COLEC10: variants seen among roughly 807,000 people sequenced by gnomAD.
The protein encoded by COLEC10 is collectin-10.
COLEC10 carries 22 observed loss-of-function variants against 28.4 expected under a neutral mutation model. The observed-to-expected ratio is 0.78, with a 90% CI of 0.55 to 1.11. COLEC10 has a LOEUF of 1.11. COLEC10 is among the 50% of genes least tolerant of loss of function. COLEC10 has a pLI of 0.00. For synonymous variants in COLEC10, 125 were observed against 116.1 expected (o/e 1.08, Z -0.49); for missense variants, 361 against 344.1 (o/e 1.05, Z -0.39).
At chr8:118,968,938 A>G in the COLEC10 span, among the ~76,000 whole-genome samples, 4 of 151,902 alleles carry the variant, frequency 2.6e-5, no homozygotes, top group African/African-American at 7.3e-5. Flanking sequence ...TCCCTCAAAG[A>G]TGTCCACAAT....
the COLEC10 span, among the ~76,000 whole-genome samples, chr8:118,975,330 T>G: frequency 2.6e-5 from 4 of 152,056 alleles, no homozygotes; most frequent in Admixed American, 2.0e-4. Context: ...AAGTGCAAAC[T>G]TACACAGCAT....
At chr8:119,082,269 T>C (rs1159098197) in intron 1 of COLEC10, among the ~76,000 whole-genome samples, 2 of 152,138 alleles carry the variant, frequency 1.3e-5, no homozygotes, top group Non-Finnish European at 2.9e-5. Context: ...TTATTGGCCA[T>C]CAGCACAGAC....
upstream of COLEC10, among the ~76,000 whole-genome samples, chr8:118,994,486 C>T (rs1813558045): frequency 6.6e-6 from 1 of 152,134 alleles, no homozygotes; most frequent in Non-Finnish European, 1.5e-5. Context: ...TATGTGTCAG[C>T]CACTAGCTAG....
the COLEC10 span, among the ~76,000 whole-genome samples, chr8:118,973,859 A>G: frequency 6.6e-6 from 1 of 151,970 alleles, no homozygotes; most frequent in African/African-American, 2.4e-5. Flanking sequence ...AACTCACAAT[A>G]GACTCCAAAT....
At chr8:119,062,439 CT>C (rs1178295264), upstream of COLEC10, among the ~76,000 whole-genome samples, 1 of 151,566 alleles carries the variant, frequency 6.6e-6, no homozygotes, top group African/African-American at 2.4e-5. Context: ...AACCATTTGA[CT>C]TTTTTTAAAA....
chr8:119,106,101 T>C lies in COLEC10; in HGVS notation c.744T>C (p.Cys248=). The C allele has an allele frequency of 6.2e-7, 1 of 1,613,816 alleles. No individual in the cohort carries two copies. Among genetic ancestry groups the C allele is most frequent in the South Asian group, 1.1e-5 (1 of 91,072 alleles). Reference sequence around the variant, plus strand: ...GCGACCCCTATGGTCATGAGGACTGTGTGGAGATGCTGAGCTCTGGCAGAT... The same window carrying C: ...GCGACCCCTATGGTCATGAGGACTGCGTGGAGATGCTGAGCTCTGGCAGAT... The part of the protein sequence containing the change: ...EPSDPYGHED[C]VEMLSSGRWN... Residue 248 remains cysteine (C), a synonymous_variant, in exon 6 of 6, where the codon TGT becomes TGC. Coordinates refer to ENST00000332843, the MANE Select transcript of COLEC10 (RefSeq NM_006438.5).
chr8:118,980,257 C>T, the COLEC10 span, among the ~76,000 whole-genome samples: 1 of 148,078 alleles, frequency 6.8e-6, no homozygotes, highest in South Asian at 2.1e-4. Context: ...TGGTTTGCAA[C>T]GGGGCCATCT....
chr8:118,963,166 G>A, the COLEC10 span, among the ~76,000 whole-genome samples: 6 of 152,250 alleles, frequency 3.9e-5, no homozygotes, highest in Middle Eastern at 6.8e-3. Flanking sequence ...CAGTTCAGGA[G>A]TTACCAAATA....
chr8:119,067,484 T>C, intron 1 of COLEC10, 55 bp downstream of exon 1: 1 of 1,496,794 alleles, frequency 6.7e-7, no homozygotes, highest in Non-Finnish European at 9.2e-7. Context: ...TCTTCCCTCA[T>C]CTCTGAACCC....
chr8:119,050,097 A>T (rs1814651374), intron 2 of COLEC10, among the ~76,000 whole-genome samples: 1 of 152,196 alleles, frequency 6.6e-6, no homozygotes, highest in African/African-American at 2.4e-5. Flanking sequence ...ACTTGGCTTT[A>T]TGTGAGAATT....
chr8:118,970,079 T>G, the COLEC10 span, among the ~76,000 whole-genome samples: 1 of 152,094 alleles, frequency 6.6e-6, no homozygotes, highest in Non-Finnish European at 1.5e-5. Flanking sequence ...AGAATCATTT[T>G]GTTATAAATA....
the COLEC10 span, chr8:118,982,726 C>A: frequency 6.5e-6 from 1 of 154,846 alleles, no homozygotes. Flanking sequence ...CAACTGGACC[C>A]AACTTCCTCT....
intron 1 of COLEC10, among the ~76,000 whole-genome samples, chr8:118,999,477 G>C (rs933470763): frequency 1.3e-5 from 2 of 151,938 alleles, no homozygotes; most frequent in African/African-American, 4.8e-5. Flanking sequence ...TGTAATCCCA[G>C]CTACTCAGGA....
chr8:118,954,012 A>C, the COLEC10 span, among the ~76,000 whole-genome samples: 1 of 152,230 alleles, frequency 6.6e-6, no homozygotes, highest in Non-Finnish European at 1.5e-5. Context: ...ATTAAGTGTC[A>C]TTATCATCTG....
At chr8:119,036,386 C>T (rs1395388263) in intron 2 of COLEC10, among the ~76,000 whole-genome samples, 1 of 152,046 alleles carries the variant, frequency 6.6e-6, no homozygotes, top group Non-Finnish European at 1.5e-5. Flanking sequence ...TTTAGATGTG[C>T]CATAATATAT....
At chr8:119,039,000 T>A (rs187760900) in intron 2 of COLEC10, among the ~76,000 whole-genome samples, 35 of 152,278 alleles carry the variant, frequency 2.3e-4, no homozygotes, top group Non-Finnish European at 4.0e-4. Context: ...TGTCTTACTA[T>A]TAGCATTAAA....
intron 2 of COLEC10, among the ~76,000 whole-genome samples, chr8:119,050,460 A>G (rs1245298486): frequency 6.6e-6 from 1 of 152,246 alleles, no homozygotes; most frequent in Non-Finnish European, 1.5e-5. Flanking sequence ...AGAGAATCTT[A>G]TAAATCACCA....
At chr8:119,053,687 G>GGC (rs1554625991) in intron 2 of COLEC10, among the ~76,000 whole-genome samples, 5,199 of 38,544 alleles carry the variant, frequency 0.13, 141 homozygotes, top group East Asian at 0.38. Context: ...AAAAAAAGGT[G>GGC]GGGGGGGCTT....
At chr8:119,087,752 T>C (rs547389379) in intron 1 of COLEC10, among the ~76,000 whole-genome samples, 34 of 152,208 alleles carry the variant, frequency 2.2e-4, no homozygotes, top group Non-Finnish European at 4.3e-4. Context: ...TCACAGAACC[T>C]AGACCAAAAG....
Sources: gnomAD v4.1 joint callset for allele counts (sites outside exome capture counted in the v4.1 genomes callset) on GRCh38, gnomAD v4.1.1 for gene constraint, MANE v1.5 for transcripts, NCBI Gene and HGNC (gene_info 2026-07-23, HGNC 2026-07-21) for gene names.